Variants in CDC45 observed in about 807,000 individuals in gnomAD.
CDC45 encodes the protein cell division control protein 45 homolog.
A neutral mutation model predicts 77.8 loss-of-function variants in CDC45; 54 were observed. The ratio of observed to expected loss-of-function variants is 0.69; its 90% CI spans 0.56 to 0.87. The LOEUF (loss-of-function observed/expected upper bound fraction) is 0.87. Among genes scored for constraint, CDC45 ranks in the 40% least tolerant of loss-of-function variants. The probability of loss-of-function intolerance (pLI) is 0.00; values close to 1 mark genes in which losing one functional copy is unlikely to be tolerated. For missense variants in CDC45, 649 were observed against 721.6 expected (o/e 0.90, Z 1.15); for synonymous variants, 260 against 272.1 (o/e 0.96, Z 0.44).
At chr22:19,480,325 G>A in intron 2 of CDC45, 108 bp downstream of exon 2, 1 of 1,026,520 alleles carries the variant, frequency 9.7e-7, no homozygotes, top group Non-Finnish European at 1.5e-6. Context: ...GGCTTAGGGT[G>A]GGAGAGGGAG....
At chr22:19,517,365 C>T (rs1203159161) in intron 17 of CDC45, among the ~76,000 whole-genome samples, 2 of 152,194 alleles carry the variant, frequency 1.3e-5, no homozygotes, top group Non-Finnish European at 2.9e-5. Flanking sequence ...GCTGGGACAC[C>T]GGCCCCACCT....
In CDC45 at chr22:19,494,250, T is replaced by C; in HGVS notation, c.487-77T>C. On this transcript the variant is annotated intron_variant, in intron 5 of 18. Transcript: ENST00000263201. ...TCTGGGCCTACTGACTTCTGCCAAA[T>C]TGGAACCTTCTTGGGCTGTGGGGAT... 5.1e-6 allele frequency: 7 copies of C among 1,370,334 alleles called. No homozygotes were observed. In the South Asian group the frequency reaches 7.3e-5, roughly 14 times the overall value. 84.9% of individuals were successfully genotyped at this position (1,370,334 alleles called of 1,614,324 possible).
intron 9 of CDC45, among the ~76,000 whole-genome samples, chr22:19,500,461 A>G (rs943456023): frequency 1.1e-4 from 17 of 152,098 alleles, no homozygotes; most frequent in African/African-American, 3.9e-4. Context: ...TGCCTCCGAA[A>G]CATGTAGACC....
At chr22:19,496,716 T>C (rs892805668) in intron 7 of CDC45, among the ~76,000 whole-genome samples, 3 of 152,288 alleles carry the variant, frequency 2.0e-5, no homozygotes, top group Admixed American at 6.5e-5. Flanking sequence ...GCCAGTTCCC[T>C]TGGAAATTCT....
intron 5 of CDC45, among the ~76,000 whole-genome samples, chr22:19,493,239 G>GTTGTTTTGTT (rs60107800): frequency 0.056 from 8,213 of 146,716 alleles, 258 homozygotes; most frequent in Middle Eastern, 0.15. Flanking sequence ...TTTTTTTTTT[G>GTTGTTTTGTT]TTGTTTTGTT....
At chr22:19,518,518 T>C (rs570396618) in intron 17 of CDC45, among the ~76,000 whole-genome samples, 1 of 152,318 alleles carries the variant, frequency 6.6e-6, no homozygotes, top group South Asian at 2.1e-4. Context: ...CAACCCACTC[T>C]GGGGACGGGG....
chr22:19,492,284 G>C (rs1312047258), intron 5 of CDC45, among the ~76,000 whole-genome samples: 1 of 152,044 alleles, frequency 6.6e-6, no homozygotes, highest in Non-Finnish European at 1.5e-5. Context: ...TGTTCAGACT[G>C]GGTAATTTCT....
chr22:19,506,827 G>A (rs745726695), intron 10 of CDC45, among the ~76,000 whole-genome samples: 1 of 152,126 alleles, frequency 6.6e-6, no homozygotes, highest in Non-Finnish European at 1.5e-5. Context: ...CCAGCTATTC[G>A]GGAGGCTGAG....
At position 19,499,600 on chromosome 22, in the gene CDC45, G is replaced by A. The variant is rs945006236; in HGVS notation, c.704+449G>A. On this transcript the variant is annotated intron_variant, in intron 9 of 18. Transcript: ENST00000263201. ...CAAAGGTAAGGGGAAGGCTCCAAAG[G>A]TAAGGGGTCTGGTGTGAAGCAGAAC... Among the ~76,000 whole-genome samples the A allele has an allele frequency of 5.3e-5, 8 of 152,322 alleles. No homozygotes were observed. In the South Asian group the frequency reaches 1.0e-3, roughly 20 times the overall value.
At position 19,499,059 on chromosome 22, in the gene CDC45, A is replaced by G. The variant is rs1381396221; in HGVS notation, c.654-42A>G. Reference sequence around the variant, plus strand: ...CCATCCCCCAGGCCTCATTGAGCCCAGGTGGGCTATAGGCCGGCTCCACTG... The same window carrying G: ...CCATCCCCCAGGCCTCATTGAGCCCGGGTGGGCTATAGGCCGGCTCCACTG... On this transcript the variant is annotated intron_variant, in intron 8 of 18. Coordinates refer to ENST00000263201, the MANE Select transcript of CDC45 (RefSeq NM_003504.5). 3.7e-6 allele frequency: 6 copies of G among 1,604,952 alleles called. No homozygotes were observed. In the Admixed American group the frequency reaches 1.0e-4, roughly 27 times the overall value.
At chr22:19,513,628 T>C (rs1011294367) in intron 13 of CDC45, among the ~76,000 whole-genome samples, 2 of 152,202 alleles carry the variant, frequency 1.3e-5, no homozygotes, top group African/African-American at 4.8e-5. Context: ...CTGTGCCTCT[T>C]AGTTTAGTCC....
intron 9 of CDC45, among the ~76,000 whole-genome samples, 181 bp downstream of exon 9, chr22:19,499,332 G>A (rs753661052): frequency 3.3e-5 from 5 of 152,284 alleles, no homozygotes; most frequent in African/African-American, 1.2e-4. Flanking sequence ...AGTACCAGCC[G>A]AGTGACCGTG....
intron 3 of CDC45, among the ~76,000 whole-genome samples, chr22:19,481,491 G>A (rs1455021167): frequency 6.6e-6 from 1 of 151,864 alleles, no homozygotes; most frequent in East Asian, 1.9e-4. Context: ...CCATTCTTCT[G>A]CCTCAGCCTC....
chr22:19,493,393 TGCCTTC>T (rs2090185861), intron 5 of CDC45, among the ~76,000 whole-genome samples: 2 of 151,674 alleles, frequency 1.3e-5, no homozygotes, highest in South Asian at 4.2e-4. Flanking sequence ...CTAACTGCTC[TGCCTTC>T]ACCTCTACCT....
chr22:19,489,625 GT>G (rs2090124790), intron 5 of CDC45, among the ~76,000 whole-genome samples: 1 of 151,992 alleles, frequency 6.6e-6, no homozygotes, highest in Admixed American at 6.6e-5. Context: ...TAAATTTTCT[GT>G]TTTTGTTAGA....
chr22:19,489,229 C>G (rs2146350966), intron 5 of CDC45, among the ~76,000 whole-genome samples: 1 of 151,972 alleles, frequency 6.6e-6, no homozygotes, highest in Admixed American at 6.6e-5. Flanking sequence ...AGTTGGCACT[C>G]TAAAGGTTAG....
At chr22:19,519,487 T>A (rs964205909) in intron 18 of CDC45, among the ~76,000 whole-genome samples, 4 of 152,212 alleles carry the variant, frequency 2.6e-5, no homozygotes, top group African/African-American at 9.6e-5. Flanking sequence ...ATGTGCTACC[T>A]CTTTCTTAAG....
intron 10 of CDC45, among the ~76,000 whole-genome samples, chr22:19,506,983 G>A (rs978097854): frequency 5.3e-5 from 8 of 152,158 alleles, no homozygotes; most frequent in Non-Finnish European, 8.8e-5. Context: ...TTCGTGGATG[G>A]GGTCCCAGTG....
chr22:19,493,379 GT>G (rs1393112297), intron 5 of CDC45, among the ~76,000 whole-genome samples: 2 of 151,962 alleles, frequency 1.3e-5, no homozygotes, highest in African/African-American at 4.8e-5. Flanking sequence ...ATGTCCCAGA[GT>G]CCCTAACTGC....
Sources: gnomAD v4.1 joint callset for allele counts (sites outside exome capture counted in the v4.1 genomes callset) on GRCh38, gnomAD v4.1.1 for gene constraint, MANE v1.5 for transcripts, NCBI Gene and HGNC (gene_info 2026-07-23, HGNC 2026-07-21) for gene names.